Variants in SH3PXD2B observed in about 807,000 individuals in gnomAD.
SH3PXD2B encodes SH3 and PX domains 2B.
In SH3PXD2B, 37 loss-of-function variants were observed where a neutral mutation model predicts 73.1. That is an observed-to-expected ratio of 0.51 (90% CI 0.39 to 0.67). SH3PXD2B has a LOEUF of 0.67. Ranked by LOEUF, SH3PXD2B falls within the 30% of genes least tolerant of loss-of-function variation. SH3PXD2B has a pLI of 0.00. For missense variants in SH3PXD2B, 1,053 were observed against 1,197.8 expected (o/e 0.88, Z 1.78); for synonymous variants, 457 against 480.5 (o/e 0.95, Z 0.64).
At position 172,336,617 on chromosome 5, in the gene SH3PXD2B, A is replaced by G; in HGVS notation, c.*1752T>C. The G allele has an allele frequency of 1.0e-6, 1 of 985,826 alleles. No homozygotes were observed. The allele number at this position is 985,826 out of a possible 1,614,324, so 61.1% of individuals were successfully genotyped here. A position where few individuals can be genotyped will look rare whatever the true frequency, so the allele number is the denominator to read the frequency against. Reference sequence around the variant, plus strand: ...GCAGGTAGACACTGAGCATCCCCCCAAAAAACTGGCTTTGTGGGTCCAAAA... The same window carrying G: ...GCAGGTAGACACTGAGCATCCCCCCGAAAAACTGGCTTTGTGGGTCCAAAA... On this transcript the variant is annotated 3_prime_UTR_variant, in exon 13 of 13. Transcript: ENST00000311601.
intron 7 of SH3PXD2B, among the ~76,000 whole-genome samples, chr5:172,361,643 T>C (rs1004908311): frequency 2.0e-5 from 3 of 152,232 alleles, no homozygotes; most frequent in African/African-American, 7.2e-5. Context: ...GAAAGTCACA[T>C]GGCCTTAGGG....
chr5:172,360,666 T>C (rs927093348), intron 7 of SH3PXD2B, among the ~76,000 whole-genome samples: 1 of 152,166 alleles, frequency 6.6e-6, no homozygotes, highest in African/African-American at 2.4e-5. Context: ...ACCCTGTCTC[T>C]ACTAAAAATA....
intron 3 of SH3PXD2B, among the ~76,000 whole-genome samples, chr5:172,398,689 TTAA>T: frequency 6.6e-6 from 1 of 152,220 alleles, no homozygotes; most frequent in Non-Finnish European, 1.5e-5. Context: ...TTTGAAAACT[TTAA>T]ATGACTTCCA....
At chr5:172,407,659 A>C (rs1758592937) in intron 2 of SH3PXD2B, among the ~76,000 whole-genome samples, 1 of 152,224 alleles carries the variant, frequency 6.6e-6, no homozygotes, top group African/African-American at 2.4e-5. Flanking sequence ...CTGGCACTTG[A>C]GATCTGTCCC....
intron 3 of SH3PXD2B, among the ~76,000 whole-genome samples, chr5:172,401,540 C>A (rs1758420684): frequency 6.6e-6 from 1 of 152,076 alleles, no homozygotes; most frequent in Non-Finnish European, 1.5e-5. Context: ...AATCCGGCAT[C>A]AAAATTGAGA....
At chr5:172,349,724 T>C (rs1757115819) in intron 10 of SH3PXD2B, among the ~76,000 whole-genome samples, 1 of 152,156 alleles carries the variant, frequency 6.6e-6, no homozygotes. Context: ...AAGGTAGTTA[T>C]GAGGAGTCGA....
intron 6 of SH3PXD2B, among the ~76,000 whole-genome samples, chr5:172,367,968 G>T (rs1757565214): frequency 2.6e-5 from 4 of 152,274 alleles, no homozygotes; most frequent in African/African-American, 7.2e-5. Context: ...GAACTAAGAA[G>T]AAAAAAGTTC....
chr5:172,431,121 C>T (rs1759228507), intron 1 of SH3PXD2B, among the ~76,000 whole-genome samples: 1 of 152,220 alleles, frequency 6.6e-6, no homozygotes, highest in Non-Finnish European at 1.5e-5. Context: ...CCCACCTCGG[C>T]CTCCCAAAGT....
At chr5:172,381,866 C>T (rs965155482) in intron 5 of SH3PXD2B, among the ~76,000 whole-genome samples, 170 bp downstream of exon 5, 3 of 152,202 alleles carry the variant, frequency 2.0e-5, no homozygotes, top group Non-Finnish European at 4.4e-5. Context: ...GTCAAACGGA[C>T]GATCGCTACC....
chr5:172,443,171 G>A (rs578098009), intron 1 of SH3PXD2B, among the ~76,000 whole-genome samples: 3 of 152,266 alleles, frequency 2.0e-5, no homozygotes, highest in South Asian at 2.1e-4. Context: ...TAATGACACC[G>A]TAACTTGGAA....
At chr5:172,348,064 G>A (rs774294927) in intron 10 of SH3PXD2B, among the ~76,000 whole-genome samples, 7 of 152,162 alleles carry the variant, frequency 4.6e-5, no homozygotes, top group Non-Finnish European at 7.3e-5. Flanking sequence ...GTTGGGGTGC[G>A]GAGGAGACTG....
chr5:172,365,785 G>T (rs538643198), intron 6 of SH3PXD2B, among the ~76,000 whole-genome samples: 3 of 151,826 alleles, frequency 2.0e-5, no homozygotes, highest in Non-Finnish European at 4.4e-5. Context: ...CTCTTTGAAG[G>T]TGCTGTCCAG....
downstream of SH3PXD2B, among the ~76,000 whole-genome samples, chr5:172,328,698 C>T (rs534686981): frequency 4.5e-4 from 69 of 152,148 alleles, no homozygotes; most frequent in African/African-American, 1.5e-3. Context: ...AATTAAGACA[C>T]GCTCACTGAC....
chr5:172,352,508 G>A (rs1195692408), intron 9 of SH3PXD2B, among the ~76,000 whole-genome samples: 1 of 152,192 alleles, frequency 6.6e-6, no homozygotes, highest in Non-Finnish European at 1.5e-5. Context: ...TTACAGGCAT[G>A]AGCCACCGTG....
At chr5:172,423,941 C>G (rs1199377934) in intron 1 of SH3PXD2B, among the ~76,000 whole-genome samples, 2 of 152,142 alleles carry the variant, frequency 1.3e-5, no homozygotes, top group Non-Finnish European at 2.9e-5. Flanking sequence ...CCGCGCCCGG[C>G]CCGCCCTGGG....
intron 5 of SH3PXD2B, 105 bp from the exon 6 acceptor site, chr5:172,373,920 A>C: frequency 1.6e-6 from 2 of 1,233,418 alleles, no homozygotes; most frequent in Non-Finnish European, 1.2e-6. Flanking sequence ...CCCCCACAAC[A>C]TCATCAGTGA....
chr5:172,403,027 C>A (rs1344432888), intron 3 of SH3PXD2B, among the ~76,000 whole-genome samples: 1 of 152,254 alleles, frequency 6.6e-6, no homozygotes, highest in East Asian at 1.9e-4. Context: ...TTGGCCAGGG[C>A]CTCCCTGGTG....
In SH3PXD2B at chr5:172,439,669, T is replaced by TGC. The variant is rs201510080; in HGVS notation, c.75+14607_75+14608dup. On this transcript the variant is annotated intron_variant, in intron 1 of 12. Coordinates refer to ENST00000311601, the MANE Select transcript of SH3PXD2B (RefSeq NM_001017995.3). ...AAGCTGTAAAAACCAGGTATGTGTG[T>TGC]GCGTGCGTGCGCGCACGCGCGCGCA... Among the ~76,000 whole-genome samples the TGC allele has an allele frequency of 8.0e-3, 960 of 120,346 alleles. 13 individuals carry two copies. Among genetic ancestry groups the TGC allele is most frequent in the African/African-American group, 0.03 (912 of 30,562 alleles). The allele number at this position is 120,346 out of a possible 152,430, so 79.0% of individuals were successfully genotyped here. A position where few individuals can be genotyped will look rare whatever the true frequency, so the allele number is the denominator to read the frequency against.
intron 12 of SH3PXD2B, among the ~76,000 whole-genome samples, chr5:172,325,850 C>T (rs547273988): frequency 3.7e-4 from 56 of 152,322 alleles, no homozygotes; most frequent in African/African-American, 1.2e-3. Context: ...TGCAATGACA[C>T]GATCTCCGCT....
Sources: gnomAD v4.1 joint callset for allele counts (sites outside exome capture counted in the v4.1 genomes callset) on GRCh38, gnomAD v4.1.1 for gene constraint, MANE v1.5 for transcripts, NCBI Gene and HGNC (gene_info 2026-07-23, HGNC 2026-07-21) for gene names.